Variants in FRMD3 observed in about 807,000 individuals in gnomAD.
The protein encoded by FRMD3 is FERM domain-containing protein 3.
In FRMD3, 33 loss-of-function variants were observed where a neutral mutation model predicts 70.2. That is an observed-to-expected ratio of 0.47 (90% CI 0.36 to 0.63). FRMD3 has a LOEUF of 0.63. Ranked by LOEUF, FRMD3 falls within the 20% of genes least tolerant of loss-of-function variation. The pLI is 0.00. For missense variants in FRMD3, 632 were observed against 711.4 expected (o/e 0.89, Z 1.27); for synonymous variants, 279 against 255.9 (o/e 1.09, Z -0.86).
At chr9:83,415,614 C>CT (rs1168650565) in intron 1 of FRMD3, among the ~76,000 whole-genome samples, 7,657 of 108,720 alleles carry the variant, frequency 0.07, 324 homozygotes, top group East Asian at 0.16. Context: ...GACTAATTTT[C>CT]TTTTTTTTTT....
At position 83,534,971 on chromosome 9, in the gene FRMD3, T is replaced by C. The variant is rs143603561; in HGVS notation, c.147+3114A>G. Among the ~76,000 whole-genome samples, 561 of 152,352 alleles carry C rather than the reference T, an allele frequency of 3.7e-3. 3 individuals carry two copies. The highest frequency in any genetic ancestry group is 0.015 in the South Asian group (73 of 4,830). On this transcript the variant is annotated intron_variant, in intron 1 of 13. Coordinates refer to ENST00000304195, the MANE Select transcript of FRMD3 (RefSeq NM_174938.6). ...CCTCTTTCCATGTCTGGAAATTTCA[T>C]TGAAACTTCAGCTATTTTAACTATG...
chr9:83,315,196 C>A (rs1261328957), intron 6 of FRMD3, among the ~76,000 whole-genome samples: 1 of 152,066 alleles, frequency 6.6e-6, no homozygotes, highest in African/African-American at 2.4e-5. Flanking sequence ...AAGGTCCAAT[C>A]TTGTTGGCTG....
At chr9:83,475,680 A>G (rs1023720791) in intron 1 of FRMD3, among the ~76,000 whole-genome samples, 1 of 152,194 alleles carries the variant, frequency 6.6e-6, no homozygotes, top group Non-Finnish European at 1.5e-5. Context: ...CATATTTATA[A>G]TAATAAGAGT....
intron 2 of FRMD3, among the ~76,000 whole-genome samples, chr9:83,388,942 CTTTT>C (rs554000690): frequency 3.4e-5 from 4 of 117,174 alleles, no homozygotes; most frequent in Admixed American, 9.0e-5. Context: ...CTACCAATAG[CTTTT>C]TTTTTTTTTT....
intron 13 of FRMD3, among the ~76,000 whole-genome samples, chr9:83,249,328 T>A (rs1832292581): frequency 6.6e-6 from 1 of 152,242 alleles, no homozygotes; most frequent in African/African-American, 2.4e-5. Flanking sequence ...GAGGTGTTTC[T>A]CAATGCCTCA....
chr9:83,467,901 C>T (rs1828172122), intron 1 of FRMD3, among the ~76,000 whole-genome samples: 1 of 152,024 alleles, frequency 6.6e-6, no homozygotes, highest in South Asian at 2.1e-4. Flanking sequence ...CAAGAACCTG[C>T]TGGATATTAA....
intron 6 of FRMD3, among the ~76,000 whole-genome samples, chr9:83,318,794 A>G (rs1835683850): frequency 6.6e-6 from 1 of 152,122 alleles, no homozygotes. Flanking sequence ...TTTTCTCTGC[A>G]TCCTTGACAA....
intron 1 of FRMD3, among the ~76,000 whole-genome samples, chr9:83,534,009 T>C (rs1267142397): frequency 6.6e-6 from 1 of 152,142 alleles, no homozygotes; most frequent in Non-Finnish European, 1.5e-5. Flanking sequence ...AAAAAGTAGA[T>C]AGAAGATGGC....
intron 1 of FRMD3, among the ~76,000 whole-genome samples, chr9:83,519,516 A>C (rs1829525322): frequency 6.6e-6 from 1 of 152,218 alleles, no homozygotes; most frequent in Non-Finnish European, 1.5e-5. Context: ...GGATGTGGAG[A>C]AATAGGAACG....
In FRMD3 at chr9:83,441,493, C is replaced by T. The variant is rs187310647; in HGVS notation, c.148-51785G>A. ...TCACATTGAGCCAAGTAGATAAATA[C>T]ACAAAAGAGTCTCTACAGATTAAAA... On this transcript the variant is annotated intron_variant, in intron 1 of 13. Transcript: ENST00000304195. 7.9e-4 allele frequency among the ~76,000 whole-genome samples: 120 copies of T among 152,228 alleles called. 1 individual carries two copies. The highest frequency in any genetic ancestry group is 2.8e-3 in the African/African-American group (118 of 41,556).
At chr9:83,535,698 A>G (rs1386775710) in intron 1 of FRMD3, among the ~76,000 whole-genome samples, 2 of 151,990 alleles carry the variant, frequency 1.3e-5, no homozygotes, top group Admixed American at 6.6e-5. Flanking sequence ...TCTTCTTCCA[A>G]TGTGGCCCAG....
intron 1 of FRMD3, among the ~76,000 whole-genome samples, chr9:83,411,475 G>A (rs1385888005): frequency 6.6e-6 from 1 of 152,164 alleles, no homozygotes; most frequent in Admixed American, 6.5e-5. Flanking sequence ...CCCTAACAAT[G>A]GTTTGAAGTA....
intron 13 of FRMD3, among the ~76,000 whole-genome samples, chr9:83,283,411 A>G (rs1316531359): frequency 2.0e-5 from 3 of 151,874 alleles, no homozygotes; most frequent in African/African-American, 7.3e-5. Context: ...GGTGACTGTA[A>G]TCCCAGCTAC....
At chr9:83,543,047 C>T (rs1045419538), upstream of FRMD3, among the ~76,000 whole-genome samples, 2 of 151,934 alleles carry the variant, frequency 1.3e-5, no homozygotes, top group Admixed American at 6.6e-5. Context: ...TAAAAATCAA[C>T]AAACATCAAC....
chr9:83,378,961 C>G (rs975400457), intron 2 of FRMD3, among the ~76,000 whole-genome samples: 2 of 149,890 alleles, frequency 1.3e-5, no homozygotes, highest in African/African-American at 4.9e-5. Flanking sequence ...CTCCTGACCT[C>G]AAGTGATCCA....
At position 83,533,866 on chromosome 9, in the gene FRMD3, T is replaced by C. The variant is rs191156865; in HGVS notation, c.147+4219A>G. 1.8e-3 allele frequency among the ~76,000 whole-genome samples: 271 copies of C among 152,340 alleles called. 1 individual carries two copies. Among genetic ancestry groups the C allele is most frequent in the African/African-American group, 6.3e-3 (262 of 41,596 alleles). On this transcript the variant is annotated intron_variant, in intron 1 of 13. Transcript: ENST00000304195. ...ACAAATTTTCAGCCAATTCCAACTA[T>C]GTCAGCCATGTTTACCAGGCTTTGC... is the stretch of plus-strand genomic sequence containing the variant.
At chr9:83,311,848 A>G (rs371198763) in intron 8 of FRMD3, 39 bp downstream of exon 8, 67 of 1,410,408 alleles carry the variant, frequency 4.8e-5, no homozygotes, top group Non-Finnish European at 6.4e-5. Flanking sequence ...AATCAAGATT[A>G]AGAAAAATGG....
chr9:83,422,076 T>G lies in FRMD3; in HGVS notation c.148-32368A>C, dbSNP rs1449466296. Among the ~76,000 whole-genome samples the G allele has an allele frequency of 3.9e-5, 6 of 151,916 alleles. No individual in the cohort carries two copies. In the East Asian group the frequency reaches 1.2e-3, roughly 29 times the overall value. ...CCCGTCTCGACTAAAAATACAAAAT[T>G]TAGCTGGGTGTGGTGGTGCATGCCT... On this transcript the variant is annotated intron_variant, in intron 1 of 13. Transcript: ENST00000304195.
intron 10 of FRMD3, among the ~76,000 whole-genome samples, chr9:83,303,575 G>A (rs1835004758): frequency 6.6e-6 from 1 of 152,152 alleles, no homozygotes; most frequent in Non-Finnish European, 1.5e-5. Context: ...GGGACCTGAT[G>A]GGAGAATCAC....
Sources: allele counts gnomAD v4.1 joint callset (sites outside exome capture counted in the v4.1 genomes callset), GRCh38; gene constraint gnomAD v4.1.1; transcripts MANE v1.5; gene names NCBI Gene and HGNC (gene_info 2026-07-23, HGNC 2026-07-21).